ZNF69: variants seen among roughly 807,000 people sequenced by gnomAD.
The protein encoded by ZNF69 is ZNF3.
In ZNF69, 47 loss-of-function variants were observed where a neutral mutation model predicts 50.9. That is an observed-to-expected ratio of 0.92 (90% CI 0.73 to 1.18). ZNF69 has a LOEUF of 1.18. ZNF69 is among the 50% of genes most tolerant of loss of function. The probability of loss-of-function intolerance (pLI) is 0.00; values close to 1 mark genes in which losing one functional copy is unlikely to be tolerated. For synonymous variants in ZNF69, 216 were observed against 223.1 expected (o/e 0.97, Z 0.29); for missense variants, 717 against 675.1 (o/e 1.06, Z -0.69).
the ZNF69 span, among the ~76,000 whole-genome samples, chr19:11,954,995 AATTT>A: frequency 0.015 from 2,120 of 145,850 alleles, 27 homozygotes; most frequent in African/African-American, 0.047. Flanking sequence ...GTTTCAAAAA[AATTT>A]TTTTTTTTTT....
In ZNF69 at chr19:11,905,802, G is replaced by A. The variant is rs575886687; in HGVS notation, c.1405G>A (p.Val469Ile). 121 of 1,610,974 alleles carry A rather than the reference G, an allele frequency of 7.5e-5. No homozygotes were observed. Among genetic ancestry groups the A allele is most frequent in the South Asian group, 2.7e-4 (25 of 90,936 alleles). The change falls in exon 4 of 4, where the codon GTA becomes ATA. Residue 469 changes from valine to isoleucine, a missense_variant. Val to Ile is a conservative substitution (Grantham distance 29). Coordinates refer to ENST00000429654, the MANE Select transcript of ZNF69 (RefSeq NM_001364730.1). ...LQSHERTQTH[V>I]RIHSGERPYK... ...AAGTCATGAAAGGACACAAACACACGTAAGAATACACTCTGGAGAAAGACC... is the reference window on the plus strand; with the variant it reads ...AAGTCATGAAAGGACACAAACACACATAAGAATACACTCTGGAGAAAGACC...
At chr19:11,961,897 G>A in the ZNF69 span, 3 of 151,582 alleles carry the variant, frequency 2.0e-5, no homozygotes, top group Admixed American at 6.6e-5. Context: ...GATTATAGGC[G>A]TGAACCACCA....
chr19:11,959,627 T>C, the ZNF69 span, among the ~76,000 whole-genome samples: 1 of 152,224 alleles, frequency 6.6e-6, no homozygotes, highest in Admixed American at 6.5e-5. Flanking sequence ...GGTCATGTAA[T>C]TGATTCTCTT....
the ZNF69 span, among the ~76,000 whole-genome samples, chr19:11,942,311 C>G: frequency 6.6e-6 from 1 of 151,768 alleles, no homozygotes; most frequent in Non-Finnish European, 1.5e-5. Context: ...TGGGAACAGG[C>G]ATTTTCAAGG....
At chr19:11,968,657 GACA>G in the ZNF69 span, among the ~76,000 whole-genome samples, 5 of 152,108 alleles carry the variant, frequency 3.3e-5, no homozygotes, top group African/African-American at 9.7e-5. Context: ...TCTAGCTGAA[GACA>G]ACATGATAGC....
the ZNF69 span, chr19:11,947,724 G>A: frequency 1.3e-6 from 1 of 799,540 alleles, no homozygotes; most frequent in Non-Finnish European, 2.0e-6. Flanking sequence ...ATTTAAACGT[G>A]ACTGAGGCTG....
chr19:11,969,313 CA>C, the ZNF69 span, among the ~76,000 whole-genome samples: 1 of 152,208 alleles, frequency 6.6e-6, no homozygotes, highest in Non-Finnish European at 1.5e-5. Context: ...TCACGTTCGC[CA>C]GGCTGGTCTT....
chr19:11,892,961 A>G (rs1254311021), intron 1 of ZNF69, among the ~76,000 whole-genome samples: 5 of 152,126 alleles, frequency 3.3e-5, no homozygotes, highest in Non-Finnish European at 5.9e-5. Flanking sequence ...CAGCCTCCCA[A>G]GTAGCTGGGA....
At chr19:11,952,472 A>T in the ZNF69 span, among the ~76,000 whole-genome samples, 2 of 152,246 alleles carry the variant, frequency 1.3e-5, no homozygotes, top group South Asian at 4.1e-4. Flanking sequence ...CAGCCTGCTT[A>T]TCTCAGCAGT....
Position 11,906,366 on chromosome 19 carries a change from A to G in ZNF69, c.*268A>G. On this transcript the variant is annotated 3_prime_UTR_variant, in exon 4 of 4. Coordinates refer to ENST00000429654, the MANE Select transcript of ZNF69 (RefSeq NM_001364730.1). ...TGGAGTTTGAGATCTAAGAATGGACAGTCTGCCTCCTCAAGTGGGTCCCTG... is the reference window on the plus strand; with the variant it reads ...TGGAGTTTGAGATCTAAGAATGGACGGTCTGCCTCCTCAAGTGGGTCCCTG... The G allele has an allele frequency of 2.3e-6, 2 of 878,742 alleles. No individual in the cohort carries two copies. The highest frequency in any genetic ancestry group is 8.5e-5 in the East Asian group (2 of 23,408). The allele number at this position is 878,742 out of a possible 1,614,324, so 54.4% of individuals were successfully genotyped here. A position where few individuals can be genotyped will look rare whatever the true frequency, so the allele number is the denominator to read the frequency against.
At chr19:11,903,482 A>G in intron 1 of ZNF69, 91 bp from the exon 2 acceptor site, 1 of 1,570,522 alleles carries the variant, frequency 6.4e-7, no homozygotes, top group Non-Finnish European at 8.6e-7. Flanking sequence ...CTTGGAGTCC[A>G]CGGCATCCTG....
downstream of ZNF69, among the ~76,000 whole-genome samples, chr19:11,909,606 C>G (rs927868532): frequency 2.0e-5 from 3 of 152,134 alleles, no homozygotes; most frequent in East Asian, 3.9e-4. Context: ...AGGCCTTCGA[C>G]AAAATTCCAC....
At chr19:11,923,866 T>C in the ZNF69 span, among the ~76,000 whole-genome samples, 2 of 152,180 alleles carry the variant, frequency 1.3e-5, no homozygotes, top group African/African-American at 2.4e-5. Flanking sequence ...GGACAGTCTC[T>C]GCAGCCTGCA....
the ZNF69 span, among the ~76,000 whole-genome samples, chr19:11,922,915 T>C: frequency 9.9e-5 from 15 of 151,838 alleles, 1 homozygote; most frequent in Admixed American, 8.5e-4. Context: ...GGGGCTCAAG[T>C]GATCCTCCTG....
downstream of ZNF69, among the ~76,000 whole-genome samples, chr19:11,917,127 G>A (rs10405320): frequency 0.045 from 6,889 of 152,242 alleles, 494 homozygotes; most frequent in African/African-American, 0.15. Context: ...GCCAAGTGGG[G>A]CTGTGTTGGG....
intron 1 of ZNF69, among the ~76,000 whole-genome samples, chr19:11,896,896 A>T (rs1416043131): frequency 6.6e-6 from 1 of 152,192 alleles, no homozygotes; most frequent in African/African-American, 2.4e-5. Context: ...ATATTTCAGA[A>T]ACGTTACATC....
At chr19:11,925,304 G>T in the ZNF69 span, 7 of 1,607,946 alleles carry the variant, frequency 4.4e-6, no homozygotes, top group Admixed American at 6.7e-5. Flanking sequence ...GTCGTGAGAC[G>T]GGGGAGGGGC....
rs1232798407 is a variant in ZNF69, at chr19:11,903,943, C to A, written c.229C>A (p.Gln77Lys). 6.2e-7 allele frequency: 1 copy of A among 1,613,700 alleles called. No individual in the cohort carries two copies. The highest frequency in any genetic ancestry group is 8.5e-7 in the Non-Finnish European group (1 of 1,179,876). The change falls in exon 3 of 4, where the codon CAA (glutamine) becomes AAA (lysine). Residue 77 changes from glutamine to lysine, a missense_variant. Physicochemically the swap from Gln to Lys is moderately conservative, Grantham distance 53. Coordinates refer to ENST00000429654, the MANE Select transcript of ZNF69 (RefSeq NM_001364730.1). ...AGACCAGAACATTGAATATGAGTAC[C>A]AAAACCCCAGGAGAAACTTCAGGTA... Reference protein sequence around the residue: ...WKDQNIEYEYQNPRRNFRSLI... With the variant: ...WKDQNIEYEYKNPRRNFRSLI...
At chr19:11,962,167 C>T in the ZNF69 span, among the ~76,000 whole-genome samples, 2 of 151,980 alleles carry the variant, frequency 1.3e-5, no homozygotes, top group Admixed American at 1.3e-4. Context: ...CCTGTAATCC[C>T]AGCACTTGGG....
Sources: gnomAD v4.1 joint callset for allele counts (sites outside exome capture counted in the v4.1 genomes callset) on GRCh38, gnomAD v4.1.1 for gene constraint, MANE v1.5 for transcripts, NCBI Gene and HGNC (gene_info 2026-07-23, HGNC 2026-07-21) for gene names.